NLGN1: variants seen among roughly 807,000 people sequenced by gnomAD.
The protein encoded by NLGN1 is neuroligin-1.
NLGN1 carries 12 observed loss-of-function variants against 65.5 expected under a neutral mutation model. The ratio of observed to expected loss-of-function variants is 0.18; its 90% CI spans 0.12 to 0.30. NLGN1 has a LOEUF of 0.30. Among genes scored for constraint, NLGN1 ranks in the 10% least tolerant of loss-of-function variants. The pLI is 1.00. For missense variants in NLGN1, 750 were observed against 1,007.1 expected (o/e 0.74, Z 3.46); for synonymous variants, 350 against 359.5 (o/e 0.97, Z 0.30).
intron 4 of NLGN1, among the ~76,000 whole-genome samples, chr3:174,242,829 T>G (rs527388170): frequency 6.6e-4 from 100 of 152,146 alleles, no homozygotes; most frequent in African/African-American, 2.2e-3. Flanking sequence ...AAAAATTGGC[T>G]TCCACAAAAC....
chr3:174,190,193 TTTTG>T (rs973440239), intron 4 of NLGN1, among the ~76,000 whole-genome samples: 2 of 152,108 alleles, frequency 1.3e-5, no homozygotes, highest in African/African-American at 4.8e-5. Flanking sequence ...TTTTAGACTG[TTTTG>T]TTTGTGTTTT....
intron 4 of NLGN1, among the ~76,000 whole-genome samples, chr3:174,221,671 A>C (rs1738682723): frequency 6.6e-6 from 1 of 151,694 alleles, no homozygotes; most frequent in African/African-American, 2.4e-5. Flanking sequence ...TGGGTTGCTT[A>C]AACAAGAGAA....
intron 2 of NLGN1, among the ~76,000 whole-genome samples, chr3:173,561,799 T>C (rs1371339622): frequency 6.6e-6 from 1 of 152,202 alleles, no homozygotes; most frequent in African/African-American, 2.4e-5. Context: ...ACAGAGATTA[T>C]TTAAGACATT....
chr3:173,620,512 T>C (rs1267752918), intron 3 of NLGN1, among the ~76,000 whole-genome samples: 2 of 151,274 alleles, frequency 1.3e-5, no homozygotes, highest in Non-Finnish European at 2.9e-5. Flanking sequence ...AATAAAAAAA[T>C]AAGTTGGAGG....
At chr3:173,912,834 A>G (rs1739901944) in intron 4 of NLGN1, among the ~76,000 whole-genome samples, 1 of 152,204 alleles carries the variant, frequency 6.6e-6, no homozygotes, top group African/African-American at 2.4e-5. Context: ...TGAAGATTGT[A>G]ACTGGCTAGA....
intron 3 of NLGN1, among the ~76,000 whole-genome samples, chr3:173,796,915 T>G (rs527251246): frequency 8.1e-4 from 123 of 152,258 alleles, no homozygotes; most frequent in African/African-American, 2.9e-3. Context: ...CATAAAAAAT[T>G]AATGCCAATT....
At chr3:173,551,868 C>G (rs879287490) in intron 2 of NLGN1, among the ~76,000 whole-genome samples, 4 of 152,158 alleles carry the variant, frequency 2.6e-5, no homozygotes, top group Non-Finnish European at 4.4e-5. Flanking sequence ...CTGGCTGACA[C>G]CAAAACTTTA....
intron 3 of NLGN1, among the ~76,000 whole-genome samples, chr3:173,709,615 A>G (rs1364055801): frequency 6.6e-6 from 1 of 151,936 alleles, no homozygotes; most frequent in Admixed American, 6.6e-5. Flanking sequence ...CAGCCTGTCC[A>G]AAATGATGAA....
chr3:174,186,208 T>C (rs1731369140), intron 4 of NLGN1, among the ~76,000 whole-genome samples: 1 of 152,116 alleles, frequency 6.6e-6, no homozygotes, highest in South Asian at 2.1e-4. Flanking sequence ...GAAACCTGTG[T>C]TATTTCAAAT....
chr3:173,850,237 G>A (rs1391887845), intron 4 of NLGN1, among the ~76,000 whole-genome samples: 1 of 152,102 alleles, frequency 6.6e-6, no homozygotes, highest in Non-Finnish European at 1.5e-5. Flanking sequence ...ATATATGTGT[G>A]TATGTATGTG....
intron 4 of NLGN1, among the ~76,000 whole-genome samples, chr3:174,097,738 T>C (rs1745805997): frequency 6.6e-6 from 1 of 151,968 alleles, no homozygotes; most frequent in Non-Finnish European, 1.5e-5. Context: ...TTATAAAGAG[T>C]TACTGAAATA....
chr3:173,654,744 C>T (rs948307666), intron 3 of NLGN1, among the ~76,000 whole-genome samples: 2 of 152,002 alleles, frequency 1.3e-5, no homozygotes, highest in East Asian at 3.9e-4. Flanking sequence ...AAAATAAAAT[C>T]AGCATCTATA....
chr3:173,842,808 G>A (rs950964035), intron 4 of NLGN1, among the ~76,000 whole-genome samples: 3 of 152,178 alleles, frequency 2.0e-5, no homozygotes, highest in Non-Finnish European at 4.4e-5. Context: ...GGTGCAAGCT[G>A]TCAGTGGATC....
chr3:173,806,944 A>G (rs2150443489), intron 3 of NLGN1, among the ~76,000 whole-genome samples: 1 of 152,304 alleles, frequency 6.6e-6, no homozygotes, highest in South Asian at 2.1e-4. Context: ...TATATTAGCC[A>G]CACAAAGAAA....
At chr3:173,405,437 A>G (rs1482297284) in intron 1 of NLGN1, among the ~76,000 whole-genome samples, 2 of 152,002 alleles carry the variant, frequency 1.3e-5, no homozygotes, top group East Asian at 3.9e-4. Context: ...GGCCATAAGA[A>G]ATTATAAAAT....
chr3:173,683,874 C>G (rs1560164178), intron 3 of NLGN1, among the ~76,000 whole-genome samples: 1 of 152,036 alleles, frequency 6.6e-6, no homozygotes, highest in Non-Finnish European at 1.5e-5. Flanking sequence ...GATAAAAAAA[C>G]AGAGGGTGAG....
At chr3:173,918,382 A>C (rs911152595) in intron 4 of NLGN1, among the ~76,000 whole-genome samples, 1 of 152,046 alleles carries the variant, frequency 6.6e-6, no homozygotes, top group African/African-American at 2.4e-5. Flanking sequence ...CACACCTGTA[A>C]TCCCAGCACT....
chr3:173,686,281 A>T (rs1764671919), intron 3 of NLGN1, among the ~76,000 whole-genome samples: 1 of 152,020 alleles, frequency 6.6e-6, no homozygotes, highest in African/African-American at 2.4e-5. Context: ...AAAAAAAAAA[A>T]AAATCAAAAC....
At chr3:173,677,901 G>A (rs1270227571) in intron 3 of NLGN1, among the ~76,000 whole-genome samples, 2 of 152,098 alleles carry the variant, frequency 1.3e-5, no homozygotes, top group Non-Finnish European at 2.9e-5. Flanking sequence ...ATTAAACTTT[G>A]GGGCTAACAG....
Sources: gnomAD v4.1 joint callset for allele counts (sites outside exome capture counted in the v4.1 genomes callset) on GRCh38, gnomAD v4.1.1 for gene constraint, MANE v1.5 for transcripts, NCBI Gene and HGNC (gene_info 2026-07-23, HGNC 2026-07-21) for gene names.